EHBP1: variants seen among roughly 807,000 people sequenced by gnomAD.
EHBP1 encodes the protein EH domain-binding protein 1.
In EHBP1, 55 loss-of-function variants were observed where a neutral mutation model predicts 144.0. The observed-to-expected ratio is 0.38, with a 90% CI of 0.31 to 0.48. The LOEUF (loss-of-function observed/expected upper bound fraction) is 0.48, where lower values mean the gene tolerates loss of function less well. Ranked by LOEUF, EHBP1 falls within the 20% of genes least tolerant of loss-of-function variation. The pLI, the probability that EHBP1 is intolerant of heterozygous loss-of-function variation, is 0.98. For synonymous variants in EHBP1, 469 were observed against 472.7 expected, an observed-to-expected ratio of 0.99 and a Z score of 0.10; for missense variants, 1,200 against 1,364.2, an observed-to-expected ratio of 0.88 and a Z score of 1.90.
chr2:62,957,641 CTTTTTTTTT>C lies in EHBP1; in HGVS notation c.2460+1995_2460+2003del, dbSNP rs1157397512. Among the ~76,000 whole-genome samples, 10 of 87,176 alleles carry C rather than the reference CTTTTTTTTT, an allele frequency of 1.1e-4. No homozygotes were observed. The East Asian group carries it at 2.2e-3, about 19-fold the overall frequency. The allele number at this position is 87,176 out of a possible 152,430, so 57.2% of individuals were successfully genotyped here. A position where few individuals can be genotyped will look rare whatever the true frequency, so the allele number is the denominator to read the frequency against. On this transcript the variant is annotated intron_variant, in intron 14 of 22. Coordinates refer to ENST00000431489, the MANE Select transcript of EHBP1 (RefSeq NM_001142616.3). Reference sequence around the variant, plus strand: ...TAAAATTAATATTTGAAAATAAATGCTTTTTTTTTTTTTTTTTTTTTTGAGATGGAGTCT... The same window carrying C: ...TAAAATTAATATTTGAAAATAAATGCTTTTTTTTTTTTTGAGATGGAGTCT...
At chr2:62,963,369 T>C (rs1221638823) in intron 14 of EHBP1, among the ~76,000 whole-genome samples, 3 of 152,214 alleles carry the variant, frequency 2.0e-5, no homozygotes, top group African/African-American at 7.2e-5. Flanking sequence ...TCACTAGATC[T>C]TCTCCAAATA....
chr2:62,898,969 G>A (rs1266610744), intron 10 of EHBP1, among the ~76,000 whole-genome samples: 2 of 152,128 alleles, frequency 1.3e-5, no homozygotes, highest in Non-Finnish European at 2.9e-5. Flanking sequence ...CACGCAGATG[G>A]CAGAATTAAC....
At chr2:62,768,358 A>C (rs1457877787) in intron 4 of EHBP1, among the ~76,000 whole-genome samples, 1 of 152,210 alleles carries the variant, frequency 6.6e-6, no homozygotes, top group Non-Finnish European at 1.5e-5. Context: ...CAGATAAGTG[A>C]AAATAACCAT....
At chr2:62,825,455 G>A (rs1023272660) in intron 5 of EHBP1, among the ~76,000 whole-genome samples, 1 of 152,000 alleles carries the variant, frequency 6.6e-6, no homozygotes, top group East Asian at 1.9e-4. Flanking sequence ...GAGTCAGTTA[G>A]TGGTGTCTGG....
chr2:62,756,479 C>G (rs1024646963), intron 3 of EHBP1, among the ~76,000 whole-genome samples: 2 of 151,996 alleles, frequency 1.3e-5, no homozygotes, highest in African/African-American at 4.8e-5. Flanking sequence ...TATGAAAATG[C>G]TGTTTTAGGC....
intron 7 of EHBP1, among the ~76,000 whole-genome samples, chr2:62,836,253 G>A (rs567341537): frequency 7.0e-4 from 107 of 152,200 alleles, no homozygotes; most frequent in South Asian, 1.9e-3. Context: ...ACACAGCAGG[G>A]CATTCCAACA....
intron 15 of EHBP1, among the ~76,000 whole-genome samples, chr2:62,984,871 A>T (rs1041124121): frequency 2.6e-5 from 4 of 152,208 alleles, no homozygotes; most frequent in Non-Finnish European, 5.9e-5. Context: ...CTAGCACTGT[A>T]TAAGTGGGTA....
chr2:62,877,322 T>C (rs1460926946), intron 10 of EHBP1, among the ~76,000 whole-genome samples: 1 of 152,184 alleles, frequency 6.6e-6, no homozygotes. Context: ...CTAAATAATA[T>C]GCACCCAACA....
intron 3 of EHBP1, among the ~76,000 whole-genome samples, chr2:62,755,171 C>T (rs1397487622): frequency 6.6e-6 from 1 of 152,160 alleles, no homozygotes; most frequent in Non-Finnish European, 1.5e-5. Context: ...TAGGCAGTTC[C>T]CAACCCTCAG....
intron 14 of EHBP1, among the ~76,000 whole-genome samples, chr2:62,964,463 T>A (rs556567301): frequency 2.1e-4 from 32 of 152,340 alleles, no homozygotes; most frequent in African/African-American, 7.7e-4. Context: ...GTTTAAATCT[T>A]TATTCATTTC....
intron 14 of EHBP1, among the ~76,000 whole-genome samples, chr2:62,972,914 T>C (rs1574306168): frequency 6.6e-6 from 1 of 152,356 alleles, no homozygotes; most frequent in Non-Finnish European, 1.5e-5. Context: ...CTAATGGTTA[T>C]AAACAGAAAG....
At chr2:62,863,298 C>CACGT (rs1461096006) in intron 8 of EHBP1, among the ~76,000 whole-genome samples, 1 of 146,022 alleles carries the variant, frequency 6.8e-6, no homozygotes, top group Non-Finnish European at 1.5e-5. Flanking sequence ...CACACACACA[C>CACGT]ACGTACCATT....
In EHBP1 at chr2:62,879,970, A is replaced by G. The variant is rs142617358; in HGVS notation, c.1185+5438A>G. On this transcript the variant is annotated intron_variant, in intron 10 of 22. Coordinates refer to ENST00000431489, the MANE Select transcript of EHBP1 (RefSeq NM_001142616.3). The stretch of plus-strand genomic sequence containing the variant: ...GCATCACACTATCTGACTTTAGACT[A>G]TACTAGAAGGGTACAGTAATCAAAA... Among the ~76,000 whole-genome samples, 56 of 152,346 alleles carry G rather than the reference A, an allele frequency of 3.7e-4. No individual in the cohort carries two copies. The East Asian group carries it at 9.3e-3, about 25-fold the overall frequency.
At chr2:62,997,027 GTGCCTCATTGATA>G (rs1396429291) in intron 19 of EHBP1, among the ~76,000 whole-genome samples, 22 of 151,912 alleles carry the variant, frequency 1.4e-4, no homozygotes, top group Non-Finnish European at 2.6e-4. Context: ...ATACACATCT[GTGCCTCATTGATA>G]TGCCACTGCT....
chr2:62,871,993 T>C (rs1481342820), intron 9 of EHBP1: 1 of 152,186 alleles, frequency 6.6e-6, no homozygotes, highest in Non-Finnish European at 1.5e-5. Context: ...TATGGTTTTG[T>C]GTCAGTTTGC....
At chr2:62,724,137 T>A (rs766739288) in intron 2 of EHBP1, among the ~76,000 whole-genome samples, 18 of 152,218 alleles carry the variant, frequency 1.2e-4, no homozygotes, top group Non-Finnish European at 2.6e-4. Context: ...TCTCTTCACA[T>A]AATCCCATAT....
chr2:62,998,478 C>T (rs2059726107), intron 19 of EHBP1, among the ~76,000 whole-genome samples: 1 of 152,088 alleles, frequency 6.6e-6, no homozygotes, highest in Admixed American at 6.6e-5. Context: ...ACAAATGGAA[C>T]TTAACCACCT....
Position 62,943,205 on chromosome 2 carries a change from C to T in EHBP1, c.1364+309C>T, listed in dbSNP as rs764835981. 9.2e-5 allele frequency among the ~76,000 whole-genome samples: 14 copies of T among 151,926 alleles called. No homozygotes were observed. In the South Asian group the frequency reaches 2.1e-3, roughly 23 times the overall value. On this transcript the variant is annotated intron_variant, in intron 11 of 22. Transcript: ENST00000431489. ...CAGCCTGACCAACATGGAGAAACACCGTCTCTACTAAAAATACAAAATTAG... is the reference window on the plus strand; with the variant it reads ...CAGCCTGACCAACATGGAGAAACACTGTCTCTACTAAAAATACAAAATTAG...
rs528012027 is a variant in EHBP1 at position 62,981,418 on chromosome 2, T to G, written c.2608+2083T>G. 2.0e-5 allele frequency among the ~76,000 whole-genome samples: 3 copies of G among 152,294 alleles called. No individual in the cohort carries two copies. In the South Asian group the frequency reaches 6.2e-4, roughly 32 times the overall value. On this transcript the variant is annotated intron_variant, in intron 15 of 22. Transcript: ENST00000431489. ...ACCTTCCTGTGGCATCATAAAGCCATGTAGGAGAACAAATAATAATAGGAT... is the reference window on the plus strand; with the variant it reads ...ACCTTCCTGTGGCATCATAAAGCCAGGTAGGAGAACAAATAATAATAGGAT...
Sources: allele counts gnomAD v4.1 joint callset (sites outside exome capture counted in the v4.1 genomes callset), GRCh38; gene constraint gnomAD v4.1.1; transcripts MANE v1.5; gene names NCBI Gene and HGNC (gene_info 2026-07-23, HGNC 2026-07-21).